QRICH1: variants seen among roughly 807,000 people sequenced by gnomAD.
QRICH1 encodes the protein transcriptional regulator QRICH1.
A neutral mutation model predicts 87.1 loss-of-function variants in QRICH1; 16 were observed. The observed-to-expected ratio is 0.18, with a 90% confidence interval of 0.12 to 0.28. The LOEUF is 0.28. QRICH1 is among the 10% of genes least tolerant of loss of function. QRICH1 has a pLI of 1.00. For missense variants in QRICH1, 647 were observed against 951.7 expected (o/e 0.68, Z 4.21); for synonymous variants, 367 against 368.4 (o/e 1.00, Z 0.05).
At chr3:49,039,076 G>A (rs1486695741) in intron 6 of QRICH1, among the ~76,000 whole-genome samples, 3 of 152,180 alleles carry the variant, frequency 2.0e-5, no homozygotes, top group East Asian at 1.9e-4. Flanking sequence ...ACATAACCGG[G>A]CCAGGCGCAG....
At chr3:49,046,928 G>T in intron 4 of QRICH1, 141 bp downstream of exon 4, 1 of 1,034,616 alleles carries the variant, frequency 9.7e-7, no homozygotes, top group Non-Finnish European at 1.4e-6. Context: ...CTTGTTACTA[G>T]GCTTGAATTC....
intron 2 of QRICH1, among the ~76,000 whole-genome samples, chr3:49,067,347 C>G (rs894288328): frequency 1.3e-5 from 2 of 151,816 alleles, no homozygotes; most frequent in Non-Finnish European, 2.9e-5. Flanking sequence ...GTAGGCAGAT[C>G]ACAAGGTCAG....
At chr3:49,091,606 C>T (rs2042275921) in intron 1 of QRICH1, among the ~76,000 whole-genome samples, 1 of 152,062 alleles carries the variant, frequency 6.6e-6, no homozygotes, top group African/African-American at 2.4e-5. Flanking sequence ...CAGAGGTTCT[C>T]GAAGAGTTAT....
intron 3 of QRICH1, among the ~76,000 whole-genome samples, chr3:49,054,107 T>C (rs558294713): frequency 2.4e-4 from 37 of 152,282 alleles, no homozygotes; most frequent in African/African-American, 8.7e-4. Flanking sequence ...ACTCTAAGAC[T>C]TTCCCAAATC....
At chr3:49,075,392 A>G (rs560510997) in intron 2 of QRICH1, among the ~76,000 whole-genome samples, 16 of 151,774 alleles carry the variant, frequency 1.1e-4, no homozygotes, top group African/African-American at 3.4e-4. Flanking sequence ...GCACTTTGGG[A>G]GCCCGAGAAG....
intron 2 of QRICH1, among the ~76,000 whole-genome samples, chr3:49,067,706 C>T (rs781403434): frequency 3.3e-5 from 5 of 149,948 alleles, no homozygotes; most frequent in African/African-American, 9.8e-5. Context: ...AAAGGCCAGG[C>T]GCGGTGGCTC....
At chr3:49,073,534 C>T (rs1477846448) in intron 2 of QRICH1, among the ~76,000 whole-genome samples, 1 of 147,964 alleles carries the variant, frequency 6.8e-6, no homozygotes, top group Non-Finnish European at 1.5e-5. Flanking sequence ...AGTGGGACTC[C>T]ATCTCGAAAA....
chr3:49,057,520 C>A lies in QRICH1; in HGVS notation c.680G>T (p.Gly227Val). The A allele has an allele frequency of 6.2e-7, 1 of 1,613,392 alleles. No homozygotes were observed. Among genetic ancestry groups the A allele is most frequent in the Non-Finnish European group, 8.5e-7 (1 of 1,179,590 alleles). The change falls in exon 3 of 10, where the codon GGC (glycine) becomes GTC (valine). Residue 227 changes from glycine to valine, a missense_variant. Transcript: ENST00000395443. The surrounding 1 kb of genome is among the most constrained non-coding windows in gnomAD (Gnocchi z 5.4). ...GALSPPPSQQ[G>V]SPREGERRVG... ...CCGCCGCTCCCCTTCCCGGGGTGAGCCCTGCTGGGATGGTGGTGGGGAAAG... is the reference window on the plus strand; with the variant it reads ...CCGCCGCTCCCCTTCCCGGGGTGAGACCTGCTGGGATGGTGGTGGGGAAAG...
chr3:49,058,334 C>T lies in QRICH1; in HGVS notation c.310-444G>A, dbSNP rs1009417391. On this transcript the variant is annotated intron_variant, in intron 2 of 9. Transcript: ENST00000395443. ...ACAAGGAAATATCAAAACTTTGGTTCTTTTTTTTTTTCCCCAAATTCTCAT... is the reference window on the plus strand; with the variant it reads ...ACAAGGAAATATCAAAACTTTGGTTTTTTTTTTTTTTCCCCAAATTCTCAT... Among the ~76,000 whole-genome samples the T allele has an allele frequency of 4.9e-5, 7 of 141,736 alleles. No individual in the cohort carries two copies. The East Asian group carries it at 1.0e-3, about 21-fold the overall frequency. The allele number at this position is 141,736 out of a possible 152,430, so 93.0% of individuals were successfully genotyped here.
chr3:49,077,254 C>CA (rs1424819396), intron 1 of QRICH1, among the ~76,000 whole-genome samples: 2 of 151,984 alleles, frequency 1.3e-5, no homozygotes, highest in Middle Eastern at 3.4e-3. Context: ...ACACTGAAAA[C>CA]AAAAAAACAA....
chr3:49,073,967 G>C (rs1278238245), intron 2 of QRICH1, among the ~76,000 whole-genome samples: 1 of 151,734 alleles, frequency 6.6e-6, no homozygotes, highest in African/African-American at 2.4e-5. Context: ...ATTTTTTGTA[G>C]AGACGGGGTT....
chr3:49,091,907 C>T (rs1459194239), intron 1 of QRICH1, among the ~76,000 whole-genome samples: 3 of 152,010 alleles, frequency 2.0e-5, no homozygotes, highest in African/African-American at 4.8e-5. Context: ...CCCGTCTATA[C>T]TACAAATACA....
chr3:49,060,764 A>G (rs1472207638), intron 2 of QRICH1, among the ~76,000 whole-genome samples: 1 of 152,164 alleles, frequency 6.6e-6, no homozygotes, highest in African/African-American at 2.4e-5. Flanking sequence ...TGGTGGCATT[A>G]GACTCTTGTA....
At chr3:49,064,264 C>T (rs1379440780) in intron 2 of QRICH1, among the ~76,000 whole-genome samples, 1 of 105,082 alleles carries the variant, frequency 9.5e-6, no homozygotes, top group Non-Finnish European at 1.9e-5. Context: ...TTTTTGGAGA[C>T]AAGAGTCTCA....
intron 5 of QRICH1, among the ~76,000 whole-genome samples, chr3:49,045,516 G>A (rs1286573311): frequency 6.6e-6 from 1 of 152,098 alleles, no homozygotes; most frequent in Admixed American, 6.6e-5. Flanking sequence ...ATGCAGCCTC[G>A]CACTCCTGAG....
chr3:49,065,249 A>G (rs1033379538), intron 2 of QRICH1, among the ~76,000 whole-genome samples: 1 of 151,832 alleles, frequency 6.6e-6, no homozygotes, highest in Non-Finnish European at 1.5e-5. Context: ...GGTTCAAGCA[A>G]TTCTCCTGCC....
chr3:49,046,377 C>T, intron 5 of QRICH1, 48 bp downstream of exon 5: 1 of 1,549,398 alleles, frequency 6.5e-7, no homozygotes, highest in South Asian at 1.2e-5. Flanking sequence ...AGCAAACATC[C>T]AATAGGAACA....
At chr3:49,074,093 T>C (rs965225611) in intron 2 of QRICH1, among the ~76,000 whole-genome samples, 4 of 152,168 alleles carry the variant, frequency 2.6e-5, no homozygotes, top group Non-Finnish European at 5.9e-5. Context: ...TTTTGTGGTT[T>C]AGAAACAACA....
At chr3:49,052,103 A>G (rs950373591) in intron 3 of QRICH1, among the ~76,000 whole-genome samples, 3 of 152,220 alleles carry the variant, frequency 2.0e-5, no homozygotes, top group Non-Finnish European at 4.4e-5. Flanking sequence ...CAAGAATGGA[A>G]GCAAGTACTG....
Sources: allele counts gnomAD v4.1 joint callset (sites outside exome capture counted in the v4.1 genomes callset), GRCh38; gene constraint gnomAD v4.1.1; non-coding constraint Gnocchi (gnomAD v3.1); transcripts MANE v1.5; gene names NCBI Gene and HGNC (gene_info 2026-07-23, HGNC 2026-07-21).